Variants in ANKRD30B observed in about 807,000 individuals in gnomAD.
The protein encoded by ANKRD30B is ankyrin repeat domain-containing protein 30B.
A neutral mutation model predicts 202.2 loss-of-function variants in ANKRD30B; 144 were observed. The observed-to-expected ratio is 0.71, with a 90% CI of 0.62 to 0.82. ANKRD30B has a LOEUF of 0.82. ANKRD30B is among the 40% of genes least tolerant of loss of function. ANKRD30B has a pLI of 0.00. For missense variants in ANKRD30B, 1,487 were observed against 1,669.1 expected, an observed-to-expected ratio of 0.89 and a Z score of 1.90; for synonymous variants, 508 against 561.3, an observed-to-expected ratio of 0.91 and a Z score of 1.34.
At chr18:14,882,515 A>G in the ANKRD30B span, among the ~76,000 whole-genome samples, 5 of 152,182 alleles carry the variant, frequency 3.3e-5, no homozygotes, top group African/African-American at 4.8e-5. Context: ...GACTTGTTTT[A>G]TGGCCTATCA....
the ANKRD30B span, among the ~76,000 whole-genome samples, chr18:14,913,837 A>G: frequency 6.6e-6 from 1 of 152,212 alleles, no homozygotes; most frequent in Non-Finnish European, 1.5e-5. Context: ...CCTGTTGGTA[A>G]AAGTAAAAAT....
At chr18:14,800,333 C>G (rs1307294358) in intron 22 of ANKRD30B, among the ~76,000 whole-genome samples, 2 of 149,796 alleles carry the variant, frequency 1.3e-5, no homozygotes, top group Admixed American at 1.3e-4. Context: ...TTTGATATGG[C>G]GTCTCGCTGT....
At chr18:14,926,194 G>T in the ANKRD30B span, among the ~76,000 whole-genome samples, 1 of 152,118 alleles carries the variant, frequency 6.6e-6, no homozygotes, top group Non-Finnish European at 1.5e-5. Context: ...AGCCCAGGAG[G>T]GGTAAAAAGG....
At position 14,852,279 on chromosome 18, in the gene ANKRD30B, A is replaced by G; in HGVS notation, c.4335A>G (p.Lys1445=). The G allele has an allele frequency of 6.5e-7, 1 of 1,545,296 alleles. No individual in the cohort carries two copies. The highest frequency in any genetic ancestry group is 1.2e-5 in the South Asian group (1 of 83,080). The change falls in exon 42 of 44, where the codon AAA becomes AAG. Residue 1445 remains lysine, a synonymous_variant. Coordinates refer to ENST00000690538, the MANE Select transcript of ANKRD30B (RefSeq NM_001367607.2). The part of the protein sequence containing the change: ...QLVYAHKKVN[K]SKVTINIQFP... ...TTTATGCACATAAGAAAGTTAACAA[A>G]AGCAAGGTAACAATTAATATTCAGT...
At chr18:14,776,154 G>T (rs1967336550) in intron 9 of ANKRD30B, among the ~76,000 whole-genome samples, 1 of 152,272 alleles carries the variant, frequency 6.6e-6, no homozygotes, top group South Asian at 2.1e-4. Flanking sequence ...TAGAAATATA[G>T]CAGTTTGGAA....
At chr18:14,898,063 C>A in the ANKRD30B span, among the ~76,000 whole-genome samples, 1 of 152,264 alleles carries the variant, frequency 6.6e-6, no homozygotes, top group East Asian at 1.9e-4. Flanking sequence ...AAAAATTAAT[C>A]AAGCTGATCA....
intron 15 of ANKRD30B, among the ~76,000 whole-genome samples, chr18:14,788,229 A>G (rs1330129305): frequency 1.3e-5 from 2 of 152,314 alleles, no homozygotes; most frequent in East Asian, 3.9e-4. Flanking sequence ...GATGAGGACT[A>G]CAATATAAGT....
At chr18:14,828,163 T>C in intron 32 of ANKRD30B, 115 bp from the exon 33 acceptor site, 8 of 754,234 alleles carry the variant, frequency 1.1e-5, no homozygotes, top group Non-Finnish European at 1.3e-5. Context: ...CTGCCTCACC[T>C]TCCCAAGTAG....
the ANKRD30B span, among the ~76,000 whole-genome samples, chr18:14,895,082 A>G: frequency 6.7e-6 from 1 of 150,102 alleles, no homozygotes; most frequent in Non-Finnish European, 1.5e-5. Flanking sequence ...AGTGGGAGCT[A>G]AACACTGGGT....
the ANKRD30B span, among the ~76,000 whole-genome samples, chr18:14,869,191 G>A: frequency 9.2e-5 from 14 of 152,258 alleles, no homozygotes; most frequent in African/African-American, 2.9e-4. Context: ...GCTAGCTTGA[G>A]GGTTGAAAAC....
intron 8 of ANKRD30B, among the ~76,000 whole-genome samples, chr18:14,770,913 C>A (rs1262964229): frequency 6.6e-6 from 1 of 152,090 alleles, no homozygotes; most frequent in African/African-American, 2.4e-5. Context: ...TGGCTTAGAG[C>A]CCCTTGAATG....
chr18:14,773,022 C>G (rs1324147087), intron 9 of ANKRD30B, among the ~76,000 whole-genome samples: 1 of 152,056 alleles, frequency 6.6e-6, no homozygotes, highest in South Asian at 2.1e-4. Context: ...TTAAGGCATG[C>G]CAGTGTGTTT....
the ANKRD30B span, among the ~76,000 whole-genome samples, chr18:14,885,980 C>T: frequency 1.5e-3 from 231 of 151,972 alleles, no homozygotes; most frequent in African/African-American, 5.3e-3. Flanking sequence ...GTATATTTTG[C>T]ACAAAGCTTT....
At chr18:14,753,160 A>G (rs1726359573) in intron 3 of ANKRD30B, 148 bp downstream of exon 3, 2 of 633,954 alleles carry the variant, frequency 3.2e-6, no homozygotes, top group South Asian at 3.9e-5. Flanking sequence ...TTAACCTTAA[A>G]TATTAATTTT....
At chr18:14,781,967 G>T (rs1016750987) in intron 11 of ANKRD30B, among the ~76,000 whole-genome samples, 1 of 152,154 alleles carries the variant, frequency 6.6e-6, no homozygotes, top group African/African-American at 2.4e-5. Flanking sequence ...AGCTAGCTAG[G>T]TAAACTACTC....
At chr18:14,889,825 C>T in the ANKRD30B span, among the ~76,000 whole-genome samples, 2 of 151,564 alleles carry the variant, frequency 1.3e-5, no homozygotes, top group African/African-American at 4.8e-5. Context: ...CAAAGTCACA[C>T]AGAAAACATT....
At chr18:14,855,278 G>A (rs1207230003), downstream of ANKRD30B, among the ~76,000 whole-genome samples, 1 of 152,210 alleles carries the variant, frequency 6.6e-6, no homozygotes, top group Non-Finnish European at 1.5e-5. Flanking sequence ...TAGTACAGAA[G>A]AAAATGGAGT....
At chr18:14,774,776 A>T (rs966536619) in intron 9 of ANKRD30B, among the ~76,000 whole-genome samples, 7 of 152,110 alleles carry the variant, frequency 4.6e-5, no homozygotes, top group Admixed American at 2.6e-4. Flanking sequence ...TTATTTCTAC[A>T]ATACTATAAA....
Position 14,782,508 on chromosome 18 carries a change from T to G in ANKRD30B, c.1483-19T>G. 6.7e-7 allele frequency: 1 copy of G among 1,484,614 alleles called. No individual in the cohort carries two copies. Among genetic ancestry groups the G allele is most frequent in the Non-Finnish European group, 9.1e-7 (1 of 1,098,164 alleles). The allele number at this position is 1,484,614 out of a possible 1,614,324, so 92.0% of individuals were successfully genotyped here. ...ATGATTTTAAAATTGAAATTATCTA[T>G]TGATACTACTTTTAACAGAGTCTCT... On this transcript the variant is annotated intron_variant, in intron 11 of 43. Coordinates refer to ENST00000690538, the MANE Select transcript of ANKRD30B (RefSeq NM_001367607.2).
Sources: gnomAD v4.1 joint callset for allele counts (sites outside exome capture counted in the v4.1 genomes callset) on GRCh38, gnomAD v4.1.1 for gene constraint, MANE v1.5 for transcripts, NCBI Gene and HGNC (gene_info 2026-07-23, HGNC 2026-07-21) for gene names.